RASA1: variants seen among roughly 807,000 people sequenced by gnomAD.
RASA1 encodes the protein ras GTPase-activating protein 1.
Under a neutral mutation model 132.2 loss-of-function variants are expected in RASA1, and 25 were observed. The observed-to-expected ratio is 0.19, with a 90% CI of 0.14 to 0.26. RASA1 has a LOEUF of 0.26. Ranked by LOEUF, RASA1 falls within the 10% of genes least tolerant of loss-of-function variation. The pLI, the probability that RASA1 is intolerant of heterozygous loss-of-function variation, is 1.00. For synonymous variants in RASA1, 477 were observed against 449.9 expected (o/e 1.06, Z -0.76); for missense variants, 964 against 1,299.2 (o/e 0.74, Z 3.97).
At chr5:87,374,970 C>A (rs569701230) in intron 15 of RASA1, 54 bp downstream of exon 15, 25 of 1,543,184 alleles carry the variant, frequency 1.6e-5, no homozygotes, top group South Asian at 3.6e-5. Flanking sequence ...TATATACTTT[C>A]AAAATTCACA....
At chr5:87,276,275 T>A (rs1400541614) in intron 1 of RASA1, among the ~76,000 whole-genome samples, 2 of 152,216 alleles carry the variant, frequency 1.3e-5, no homozygotes, top group African/African-American at 4.8e-5. Context: ...ATTACCTTAA[T>A]TTTAAACCAA....
intron 1 of RASA1, among the ~76,000 whole-genome samples, chr5:87,323,374 A>G (rs1289767426): frequency 2.0e-5 from 3 of 152,218 alleles, no homozygotes; most frequent in African/African-American, 7.2e-5. Flanking sequence ...AAGCCTATGT[A>G]TAGTAGAAAA....
intron 6 of RASA1, among the ~76,000 whole-genome samples, chr5:87,346,280 T>C (rs373213386): frequency 1.3e-5 from 2 of 152,010 alleles, no homozygotes; most frequent in African/African-American, 2.4e-5. Context: ...TCAGATGTTA[T>C]AGGAAAATTC....
At chr5:87,307,588 A>G (rs1456623009) in intron 1 of RASA1, among the ~76,000 whole-genome samples, 3 of 152,176 alleles carry the variant, frequency 2.0e-5, no homozygotes, top group Non-Finnish European at 2.9e-5. Flanking sequence ...ATTAAATTCC[A>G]TCTTTATTTT....
rs1325076346 is a variant in RASA1, at chr5:87,391,091, T to C, written c.*208T>C. 1.3e-5 allele frequency: 8 copies of C among 635,440 alleles called. No individual in the cohort carries two copies. The East Asian group carries it at 2.2e-4, about 17-fold the overall frequency. 39.4% of individuals were successfully genotyped at this position (635,440 alleles called of 1,614,324 possible). ...CTATCTGTGCAGGATATTTGCACTATTTCCACATGGAATCAATCTTTAACA... is the reference window on the plus strand; with the variant it reads ...CTATCTGTGCAGGATATTTGCACTACTTCCACATGGAATCAATCTTTAACA... On this transcript the variant is annotated 3_prime_UTR_variant, in exon 25 of 25. Transcript: ENST00000274376.
Position 87,353,141 on chromosome 5 carries a change from A to AT in RASA1, c.1254-11dup. The AT allele has an allele frequency of 6.3e-7, 1 of 1,592,504 alleles. No homozygotes were observed. The highest frequency in any genetic ancestry group is 8.6e-7 in the Non-Finnish European group (1 of 1,161,598). On this transcript the variant is annotated splice_polypyrimidine_tract_variant and intron_variant, in intron 8 of 24. Coordinates refer to ENST00000274376, the MANE Select transcript of RASA1 (RefSeq NM_002890.3). ...TTTATGAGACAGATTAATACTAGAA[A>AT]TTTTTATTTTAACAGCATTGGGGAC...
rs540333092 is a variant in RASA1 at position 87,342,833 on chromosome 5, G to GT, written c.1049+1519dup. 7.2e-5 allele frequency among the ~76,000 whole-genome samples: 11 copies of GT among 152,050 alleles called. No homozygotes were observed. In the East Asian group the frequency reaches 1.2e-3, roughly 16 times the overall value. The stretch of plus-strand genomic sequence containing the variant: ...TTTCAAAAAAAGACCATAAATCTAG[G>GT]TTTTTTTATTTTAGATAATAGCAAT... On this transcript the variant is annotated intron_variant, in intron 6 of 24. Transcript: ENST00000274376.
chr5:87,310,730 C>G (rs1561271064), intron 1 of RASA1, among the ~76,000 whole-genome samples: 1 of 152,074 alleles, frequency 6.6e-6, no homozygotes, highest in Non-Finnish European at 1.5e-5. Flanking sequence ...TCTGTAAAGT[C>G]AAATAATTTT....
intron 1 of RASA1, 82 bp from the exon 2 acceptor site, chr5:87,331,266 T>C (rs754529412): frequency 7.2e-7 from 1 of 1,386,236 alleles, no homozygotes. Flanking sequence ...ATTTAAAACC[T>C]CTAGTAGTAT....
At position 87,268,161 on chromosome 5, in the gene RASA1, G is replaced by T. The variant is rs910051480; in HGVS notation, c.-291G>T. 5 of 499,176 alleles carry T rather than the reference G, an allele frequency of 1.0e-5. No homozygotes were observed. The highest frequency in any genetic ancestry group is 1.8e-5 in the Non-Finnish European group (5 of 284,662). The allele number at this position is 499,176 out of a possible 1,614,324, so 30.9% of individuals were successfully genotyped here. On this transcript the variant is annotated 5_prime_UTR_variant, in exon 1 of 25. Coordinates refer to ENST00000274376, the MANE Select transcript of RASA1 (RefSeq NM_002890.3). ...GTGCAGCGAGGAAGTTTTCGCTTCT[G>T]TACATGTGTTTGTGTGCGTGAGTGT...
intron 18 of RASA1, among the ~76,000 whole-genome samples, chr5:87,379,009 A>G (rs968090312): frequency 1.2e-4 from 19 of 152,166 alleles, no homozygotes; most frequent in Non-Finnish European, 2.6e-4. Context: ...ATAATACACT[A>G]TTAAGACAGT....
intron 1 of RASA1, among the ~76,000 whole-genome samples, chr5:87,310,379 G>T (rs1030169924): frequency 2.0e-5 from 3 of 152,092 alleles, no homozygotes; most frequent in African/African-American, 7.2e-5. Flanking sequence ...AGTTAAATCT[G>T]AAATATGTCA....
chr5:87,272,101 A>G (rs1459761455), intron 1 of RASA1, among the ~76,000 whole-genome samples: 5 of 151,736 alleles, frequency 3.3e-5, no homozygotes, highest in Non-Finnish European at 7.4e-5. Flanking sequence ...GTGAGCCGAG[A>G]TCTGCCGTTG....
intron 1 of RASA1, chr5:87,331,061 T>C: frequency 7.0e-6 from 8 of 1,151,066 alleles, no homozygotes; most frequent in Non-Finnish European, 7.1e-6. Context: ...GTTTATATTT[T>C]GAATAGCAGG....
At chr5:87,363,153 AAAACAAGTAATATAACAAAAGGCATTT>A (rs146643440) in intron 10 of RASA1, among the ~76,000 whole-genome samples, 168 bp from the exon 11 acceptor site, 156 of 152,134 alleles carry the variant, frequency 1.0e-3, no homozygotes, top group African/African-American at 3.7e-3. Context: ...CTCTGTGATT[AAAACAAGTAATATAACAAAAGGCATTT>A]TTGTACAGAT....
chr5:87,375,023 T>C (rs992059685), intron 15 of RASA1, 107 bp downstream of exon 15: 44 of 1,366,962 alleles, frequency 3.2e-5, no homozygotes, highest in Non-Finnish European at 4.2e-5. Context: ...GAAATGCAAG[T>C]AGTATAATTT....
intron 3 of RASA1, among the ~76,000 whole-genome samples, chr5:87,332,922 T>G (rs993049422): frequency 6.6e-6 from 1 of 152,150 alleles, no homozygotes; most frequent in Non-Finnish European, 1.5e-5. Context: ...AATTACTGAT[T>G]TCATAGTATT....
intron 1 of RASA1, among the ~76,000 whole-genome samples, chr5:87,276,190 C>T (rs945615774): frequency 6.6e-6 from 1 of 152,034 alleles, no homozygotes; most frequent in Admixed American, 6.6e-5. Flanking sequence ...GTTCTTCCTT[C>T]AGGCCCAGCA....
intron 12 of RASA1, among the ~76,000 whole-genome samples, chr5:87,370,675 GCTTT>G (rs1760869168): frequency 2.0e-5 from 3 of 151,968 alleles, no homozygotes; most frequent in African/African-American, 7.2e-5. Flanking sequence ...AAATTTTTTT[GCTTT>G]CTTTGAACCC....
Sources: allele counts gnomAD v4.1 joint callset (sites outside exome capture counted in the v4.1 genomes callset), GRCh38; gene constraint gnomAD v4.1.1; transcripts MANE v1.5; gene names NCBI Gene and HGNC (gene_info 2026-07-23, HGNC 2026-07-21).